The following VPS35L variants were observed in gnomAD, a reference collection of about 807,000 sequenced individuals.
VPS35L encodes the protein VPS35 endosomal protein sorting factor like, also known as VPS35 endosomal protein-sorting factor-like.
VPS35L carries 83 observed loss-of-function variants against 133.0 expected under a neutral mutation model. That is an observed-to-expected ratio of 0.62 (90% confidence interval 0.52 to 0.75). The LOEUF (loss-of-function observed/expected upper bound fraction) is 0.75. Among genes scored for constraint, VPS35L ranks in the 30% least tolerant of loss-of-function variants. The pLI is 0.00. For missense variants in VPS35L, 1,083 were observed against 1,206.8 expected (o/e 0.90, Z 1.52); for synonymous variants, 423 against 449.9 (o/e 0.94, Z 0.76).
chr16:19,566,400 A>C (rs902263271), intron 2 of VPS35L, among the ~76,000 whole-genome samples: 2 of 152,114 alleles, frequency 1.3e-5, no homozygotes, highest in Non-Finnish European at 2.9e-5. Flanking sequence ...GGAGACTAAG[A>C]GAGGAGAATC....
At chr16:19,559,687 T>C (rs1159234404) in intron 1 of VPS35L, among the ~76,000 whole-genome samples, 2 of 152,082 alleles carry the variant, frequency 1.3e-5, no homozygotes, top group Non-Finnish European at 2.9e-5. Flanking sequence ...GAAAATAAAT[T>C]TTTTTTAAGA....
chr16:19,622,958 C>T (rs1046959203), intron 14 of VPS35L, among the ~76,000 whole-genome samples: 1 of 152,150 alleles, frequency 6.6e-6, no homozygotes, highest in African/African-American at 2.4e-5. Flanking sequence ...TTCAGTGCAT[C>T]TTTTTGCTCT....
intron 28 of VPS35L, among the ~76,000 whole-genome samples, chr16:19,690,208 C>T (rs1230949447): frequency 6.6e-6 from 1 of 152,112 alleles, no homozygotes; most frequent in Non-Finnish European, 1.5e-5. Context: ...ATCCCAGCCC[C>T]AAGATTTATC....
In VPS35L at chr16:19,621,738, G is replaced by C. The variant is rs562306390; in HGVS notation, c.1225-4439G>C. 1.1e-4 allele frequency among the ~76,000 whole-genome samples: 16 copies of C among 152,288 alleles called. No homozygotes were observed. In the South Asian group the frequency reaches 3.3e-3, roughly 32 times the overall value. On this transcript the variant is annotated intron_variant, in intron 14 of 30. Transcript: ENST00000417362. The stretch of plus-strand genomic sequence containing the variant: ...CCTGCCCGAGGATCTATAACATTTG[G>C]CTCTCCGAACACTTACATGTATTCC...
Position 19,639,916 on chromosome 16 carries a change from T to C in VPS35L, c.1699-99T>C. 1.0e-6 allele frequency: 1 copy of C among 1,002,680 alleles called. No individual in the cohort carries two copies. Among genetic ancestry groups the C allele is most frequent in the Admixed American group, 2.2e-5 (1 of 44,976 alleles). 62.1% of individuals were successfully genotyped at this position (1,002,680 alleles called of 1,614,324 possible). On this transcript the variant is annotated intron_variant, in intron 20 of 30. Transcript: ENST00000417362. The surrounding 1 kb of genome is among the most constrained non-coding windows in gnomAD (Gnocchi z 4.1). ...GACCCGACTCAGAGAGATGAACCTC[T>C]GTTCTGCTTCTTTGAACTCCACAGA...
intron 26 of VPS35L, among the ~76,000 whole-genome samples, chr16:19,655,364 T>G (rs1427937078): frequency 6.6e-6 from 1 of 152,208 alleles, no homozygotes; most frequent in Non-Finnish European, 1.5e-5. Flanking sequence ...TGCATTCAAT[T>G]ACTGAGAATG....
intron 7 of VPS35L, among the ~76,000 whole-genome samples, chr16:19,589,472 T>A (rs1971973332): frequency 1.3e-5 from 2 of 152,068 alleles, no homozygotes; most frequent in Non-Finnish European, 1.5e-5. Flanking sequence ...CTTAAACTCC[T>A]GGGCCCAGGC....
chr16:19,670,000 C>T (rs1974823238), intron 27 of VPS35L, among the ~76,000 whole-genome samples: 1 of 152,002 alleles, frequency 6.6e-6, no homozygotes, highest in Non-Finnish European at 1.5e-5. Flanking sequence ...GAGTCTTGCT[C>T]TGTCACCCAG....
At chr16:19,654,987 G>T (rs772101445) in intron 26 of VPS35L, among the ~76,000 whole-genome samples, 1 of 152,124 alleles carries the variant, frequency 6.6e-6, no homozygotes, top group Non-Finnish European at 1.5e-5. Context: ...CTGGATAAAG[G>T]TATCCCCCTT....
At position 19,619,141 on chromosome 16, in the gene VPS35L, C is replaced by T. The variant is rs756112739; in HGVS notation, c.1224+2333C>T. On this transcript the variant is annotated intron_variant, in intron 14 of 30. Coordinates refer to ENST00000417362, the MANE Select transcript of VPS35L (RefSeq NM_020314.7). ...AGATGCAGTTTCACCTTGTTGATCT[C>T]GTGCTGATCTCTAACTCCTGGCCTC... 4.0e-5 allele frequency among the ~76,000 whole-genome samples: 6 copies of T among 151,886 alleles called. 1 individual carries two copies. Among genetic ancestry groups the T allele is most frequent in the Admixed American group, 2.6e-4 (4 of 15,232 alleles).
intron 27 of VPS35L, among the ~76,000 whole-genome samples, chr16:19,672,676 G>A (rs1157600502): frequency 6.6e-6 from 1 of 152,138 alleles, no homozygotes; most frequent in Non-Finnish European, 1.5e-5. Context: ...CCAAGATGGG[G>A]CAGCGTGCAC....
chr16:19,578,797 T>C (rs1971616639), intron 5 of VPS35L: 1 of 511,086 alleles, frequency 2.0e-6, no homozygotes, highest in East Asian at 3.5e-5. Context: ...GCAAAGTTTG[T>C]AAATCTCAAA....
At chr16:19,576,274 C>A (rs1971535443) in intron 5 of VPS35L, among the ~76,000 whole-genome samples, 1 of 152,136 alleles carries the variant, frequency 6.6e-6, no homozygotes, top group African/African-American at 2.4e-5. Flanking sequence ...TTGTGCCTCC[C>A]TCACCAACTG....
In VPS35L at chr16:19,691,370, C is replaced by T. The variant is rs1396420000; in HGVS notation, c.2545C>T (p.Leu849Phe). Reference protein sequence around the residue: ...HIDKVDSNDSLYGGDSKFLAE... With the variant: ...HIDKVDSNDSFYGGDSKFLAE... ...TTCAACAGTGGACTCCAACGACAGC[C>T]TCTACGGGGGAGACTCCAAGTTCCT... is the stretch of plus-strand genomic sequence containing the variant. The change falls in exon 29 of 31, where the codon CTC (leucine) becomes TTC (phenylalanine). Residue 849 changes from leucine to phenylalanine, a missense_variant. By Grantham distance (22) the Leu-to-Phe change is conservative (BLOSUM62 0). Transcript: ENST00000417362. 6.2e-7 allele frequency: 1 copy of T among 1,613,734 alleles called. No individual in the cohort carries two copies.
intron 8 of VPS35L, among the ~76,000 whole-genome samples, chr16:19,598,924 A>AG (rs1385762133): frequency 6.6e-6 from 1 of 152,186 alleles, no homozygotes; most frequent in East Asian, 1.9e-4. Context: ...ATGGGAGGTG[A>AG]GAAGTTATGC....
rs370898590 is a variant in VPS35L at position 19,674,458 on chromosome 16, AGTGCTGGGATTT to A, written c.2361+5171_2361+5182del. The stretch of plus-strand genomic sequence containing the variant: ...TGATCTGCCTGCCTTGGCCTCCCAA[AGTGCTGGGATTT>A]GTGCTGGGATTACAGACATGAGCCT... On this transcript the variant is annotated intron_variant, in intron 27 of 30. Coordinates refer to ENST00000417362, the MANE Select transcript of VPS35L (RefSeq NM_020314.7). Among the ~76,000 whole-genome samples the A allele has an allele frequency of 2.3e-3, 357 of 151,980 alleles. 2 individuals are homozygous for A. Among genetic ancestry groups the A allele is most frequent in the African/African-American group, 7.8e-3 (325 of 41,458 alleles).
At position 19,629,721 on chromosome 16, in the gene VPS35L, T is replaced by A. The variant is rs749368864; in HGVS notation, c.1501-46T>A. The A allele has an allele frequency of 2.2e-5, 34 of 1,559,900 alleles. No homozygotes were observed. In the East Asian group the frequency reaches 7.6e-4, roughly 35 times the overall value. ...GAAGCCTCCTGTTTGCTGTAATGCA[T>A]ACTATGTTGTACTTAATGTTAAGAT... is the stretch of plus-strand genomic sequence containing the variant. On this transcript the variant is annotated intron_variant, in intron 17 of 30. Transcript: ENST00000417362.
At chr16:19,580,699 T>A (rs1441189877) in intron 6 of VPS35L, among the ~76,000 whole-genome samples, 1 of 152,116 alleles carries the variant, frequency 6.6e-6, no homozygotes, top group East Asian at 1.9e-4. Flanking sequence ...CTCCTTGGTC[T>A]AATTAACACC....
chr16:19,559,793 TC>T (rs1485384452), intron 1 of VPS35L, among the ~76,000 whole-genome samples: 1 of 152,142 alleles, frequency 6.6e-6, no homozygotes, highest in East Asian at 1.9e-4. Context: ...TTCAAGCAAT[TC>T]TCGTGCTTCA....
Sources: gnomAD v4.1 joint callset for allele counts (sites outside exome capture counted in the v4.1 genomes callset) on GRCh38, gnomAD v4.1.1 for gene constraint, Gnocchi (gnomAD v3.1) non-coding constraint, MANE v1.5 for transcripts, NCBI Gene and HGNC (gene_info 2026-07-23, HGNC 2026-07-21) for gene names.